FBXW11: variants seen among roughly 807,000 people sequenced by gnomAD.
FBXW11 encodes the protein F-box and WD repeat domain containing 11, also known as F-box/WD repeat-containing protein 11.
In FBXW11, 19 loss-of-function variants were observed where a neutral mutation model predicts 77.6. The ratio of observed to expected loss-of-function variants is 0.24; its 90% CI spans 0.17 to 0.36. The LOEUF (loss-of-function observed/expected upper bound fraction) is 0.36, where lower values mean the gene tolerates loss of function less well. FBXW11 is among the 10% of genes least tolerant of loss of function. The pLI is 1.00. For missense variants in FBXW11, 334 were observed against 704.2 expected (o/e 0.47, Z 5.95); for synonymous variants, 235 against 249.4 (o/e 0.94, Z 0.54).
intron 1 of FBXW11, among the ~76,000 whole-genome samples, chr5:171,973,875 C>T (rs985634187): frequency 5.9e-5 from 9 of 152,012 alleles, no homozygotes; most frequent in African/African-American, 2.2e-4. Flanking sequence ...ATTTATGAAA[C>T]AGGCAAATAT....
chr5:171,941,778 T>G (rs1309094234), intron 2 of FBXW11, among the ~76,000 whole-genome samples: 1 of 151,330 alleles, frequency 6.6e-6, no homozygotes. Context: ...CACTTCAAAC[T>G]ATGAGCTCAT....
At chr5:171,900,486 T>C (rs1760041606) in intron 4 of FBXW11, among the ~76,000 whole-genome samples, 1 of 152,192 alleles carries the variant, frequency 6.6e-6, no homozygotes, top group East Asian at 1.9e-4. Context: ...TTACACTCCC[T>C]TGGCTTTACT....
intron 2 of FBXW11, among the ~76,000 whole-genome samples, chr5:171,922,872 T>G (rs1451246958): frequency 6.6e-6 from 1 of 152,170 alleles, no homozygotes; most frequent in Non-Finnish European, 1.5e-5. Context: ...GACGAATGTT[T>G]TTCTTCTTTT....
intron 4 of FBXW11, among the ~76,000 whole-genome samples, chr5:171,908,531 A>C (rs1760675939): frequency 1.3e-5 from 2 of 152,204 alleles, no homozygotes; most frequent in South Asian, 4.1e-4. Flanking sequence ...GATCCCCTTC[A>C]GCAATTAAAT....
At chr5:171,937,837 C>CA (rs893848306) in intron 2 of FBXW11, among the ~76,000 whole-genome samples, 8,345 of 57,558 alleles carry the variant, frequency 0.14, 670 homozygotes, top group African/African-American at 0.34. Context: ...CAAAAAAAAG[C>CA]AAAAAAAAAA....
chr5:171,980,865 C>A lies in FBXW11; in HGVS notation c.46-23167G>T, dbSNP rs138972983. ...CATTACTGGCACAAAAGCGAAAATT[C>A]TTGGAATTGCCTGAGTGATAGTATT... On this transcript the variant is annotated intron_variant, in intron 1 of 13. Coordinates refer to ENST00000517395, the MANE Select transcript of FBXW11 (RefSeq NM_001378974.1). Among the ~76,000 whole-genome samples, 560 of 152,202 alleles carry A rather than the reference C, an allele frequency of 3.7e-3. 3 individuals are homozygous for A. Among genetic ancestry groups the A allele is most frequent in the African/African-American group, 0.013 (537 of 41,528 alleles).
In FBXW11 at chr5:171,870,661, G is replaced by C. The variant is rs1308611681; in HGVS notation, c.1451+87C>G. On this transcript the variant is annotated intron_variant, in intron 11 of 13. Coordinates refer to ENST00000517395, the MANE Select transcript of FBXW11 (RefSeq NM_001378974.1). ...TACACAGAAACCTACCATAGGACCT[G>C]GTACATACAGAGTTGCTTAATATAT... 5.2e-6 allele frequency: 5 copies of C among 953,264 alleles called. No homozygotes were observed. In the African/African-American group the frequency reaches 8.2e-5, roughly 16 times the overall value. The allele number at this position is 953,264 out of a possible 1,614,324, so 59.1% of individuals were successfully genotyped here. A position where few individuals can be genotyped will look rare whatever the true frequency, so the allele number is the denominator to read the frequency against.
In FBXW11 at chr5:171,912,760, A is replaced by AT. The variant is rs1206637514; in HGVS notation, c.210+1582dup. On this transcript the variant is annotated intron_variant, in intron 3 of 13. Coordinates refer to ENST00000517395, the MANE Select transcript of FBXW11 (RefSeq NM_001378974.1). ...TGTCTCTACTAAAAATACAAAAAGA[A>AT]TTAGCCAGGCATAGTGGTGGGCGCC... is the stretch of plus-strand genomic sequence containing the variant. Among the ~76,000 whole-genome samples, 4 of 151,962 alleles carry AT rather than the reference A, an allele frequency of 2.6e-5. No homozygotes were observed. In the East Asian group the frequency reaches 7.7e-4, roughly 29 times the overall value.
intron 1 of FBXW11, among the ~76,000 whole-genome samples, chr5:171,983,484 T>G (rs1765263007): frequency 6.6e-6 from 1 of 151,972 alleles, no homozygotes; most frequent in African/African-American, 2.4e-5. Context: ...GGCTTGCCAC[T>G]GGTATGTGGG....
At chr5:171,988,844 C>G (rs1468347890) in intron 1 of FBXW11, among the ~76,000 whole-genome samples, 1 of 145,600 alleles carries the variant, frequency 6.9e-6, no homozygotes, top group Admixed American at 6.9e-5. Context: ...GACTCCACCT[C>G]AATAAATAAA....
intron 4 of FBXW11, among the ~76,000 whole-genome samples, chr5:171,905,349 T>C (rs542191073): frequency 1.3e-5 from 2 of 152,336 alleles, no homozygotes; most frequent in South Asian, 2.1e-4. Flanking sequence ...CCTTCTGAGA[T>C]AGGTACTCTA....
chr5:171,927,751 A>G (rs1761967360), intron 2 of FBXW11, among the ~76,000 whole-genome samples: 1 of 152,214 alleles, frequency 6.6e-6, no homozygotes, highest in Non-Finnish European at 1.5e-5. Flanking sequence ...TACAAGTAGT[A>G]ACAAACATTA....
At chr5:171,870,165 G>C (rs1238851103) in intron 11 of FBXW11, among the ~76,000 whole-genome samples, 2 of 152,244 alleles carry the variant, frequency 1.3e-5, no homozygotes, top group East Asian at 3.9e-4. Context: ...GGCTCTGTGT[G>C]AAATTCCAAG....
rs547570550 is a variant in FBXW11, at chr5:171,904,385, G to C, written c.437-4285C>G. 1.8e-4 allele frequency among the ~76,000 whole-genome samples: 27 copies of C among 152,136 alleles called. No individual in the cohort carries two copies. Among genetic ancestry groups the C allele is most frequent in the African/African-American group, 6.3e-4 (26 of 41,526 alleles). ...GCAACATCCCCATCATCTGTGACGG[G>C]AAAGCAGCACCCAAACCTTCAACCT... On this transcript the variant is annotated intron_variant, in intron 4 of 13. Coordinates refer to ENST00000517395, the MANE Select transcript of FBXW11 (RefSeq NM_001378974.1). The surrounding 1 kb of genome is among the most constrained non-coding windows in gnomAD (Gnocchi z 4.0).
chr5:171,995,642 T>C (rs1435343566), intron 1 of FBXW11, among the ~76,000 whole-genome samples: 1 of 151,854 alleles, frequency 6.6e-6, no homozygotes, highest in African/African-American at 2.4e-5. Context: ...TAGTCCCAGC[T>C]ACTTGGGAAG....
At chr5:171,998,550 AT>A (rs1454056679) in intron 1 of FBXW11, among the ~76,000 whole-genome samples, 1 of 151,092 alleles carries the variant, frequency 6.6e-6, no homozygotes, top group East Asian at 2.0e-4. Context: ...TAGTCCCAAC[AT>A]TTTGGGAGGC....
Position 171,998,085 on chromosome 5 carries a change from C to T in FBXW11, c.45+8373G>A, listed in dbSNP as rs550327998. Among the ~76,000 whole-genome samples, 8 of 152,230 alleles carry T rather than the reference C, an allele frequency of 5.3e-5. No individual in the cohort carries two copies. The South Asian group carries it at 1.7e-3, about 32-fold the overall frequency. On this transcript the variant is annotated intron_variant, in intron 1 of 13. Transcript: ENST00000517395. ...TGCCCTTTTCATGGAGCACTATGGA[C>T]TCCACAGTTCAAGGGTCAGAAAGCC...
chr5:171,891,722 A>C (rs991324379), intron 6 of FBXW11, 118 bp from the exon 7 acceptor site: 3 of 957,638 alleles, frequency 3.1e-6, no homozygotes, highest in Non-Finnish European at 4.6e-6. Flanking sequence ...CTTGGTTTGC[A>C]TAACTGTCTG....
chr5:171,923,662 A>AT (rs1761716836), intron 2 of FBXW11, among the ~76,000 whole-genome samples: 1 of 151,930 alleles, frequency 6.6e-6, no homozygotes, highest in Non-Finnish European at 1.5e-5. Flanking sequence ...GATAACCAGC[A>AT]TTTTTTTTAA....
Sources: gnomAD v4.1 joint callset for allele counts (sites outside exome capture counted in the v4.1 genomes callset) on GRCh38, gnomAD v4.1.1 for gene constraint, Gnocchi (gnomAD v3.1) non-coding constraint, MANE v1.5 for transcripts, NCBI Gene and HGNC (gene_info 2026-07-23, HGNC 2026-07-21) for gene names.